Variants in CSF1R observed in about 807,000 individuals in gnomAD.
CSF1R encodes the protein colony stimulating factor 1 receptor.
In CSF1R, 40 loss-of-function variants were observed where a neutral mutation model predicts 110.0. The ratio of observed to expected loss-of-function variants is 0.36; its 90% CI spans 0.28 to 0.47. The LOEUF is 0.47. CSF1R is among the 20% of genes least tolerant of loss of function. The probability of loss-of-function intolerance (pLI) is 0.99; values close to 1 mark genes in which losing one functional copy is unlikely to be tolerated. For missense variants in CSF1R, 1,052 were observed against 1,253.0 expected (o/e 0.84, Z 2.42); for synonymous variants, 523 against 503.4 (o/e 1.04, Z -0.52).
chr5:150,073,897 G>A (rs532813027), intron 5 of CSF1R, among the ~76,000 whole-genome samples: 19 of 152,222 alleles, frequency 1.2e-4, no homozygotes, highest in East Asian at 9.6e-4. Context: ...TAGTCAATGC[G>A]GCTTCCAAAT....
At chr5:150,064,644 G>C (rs1455503036) in intron 10 of CSF1R, among the ~76,000 whole-genome samples, 1 of 152,202 alleles carries the variant, frequency 6.6e-6, no homozygotes, top group African/African-American at 2.4e-5. Context: ...CTGTGGCTAA[G>C]ACTGTTTTTT....
At chr5:150,075,937 G>T (rs1030398273) in intron 5 of CSF1R, among the ~76,000 whole-genome samples, 2 of 152,168 alleles carry the variant, frequency 1.3e-5, no homozygotes, top group African/African-American at 4.8e-5. Flanking sequence ...ATACTCTAGG[G>T]GCAGTGATGC....
At chr5:150,089,751 A>G (rs1758975713), upstream of CSF1R, among the ~76,000 whole-genome samples, 1 of 152,224 alleles carries the variant, frequency 6.6e-6, no homozygotes, top group Non-Finnish European at 1.5e-5. Context: ...ACAATCTTGG[A>G]GGAGTCACAC....
chr5:150,073,231 G>A lies in CSF1R; in HGVS notation c.1082+70C>T, dbSNP rs987393224. On this transcript the variant is annotated intron_variant, in intron 6 of 20. Transcript: ENST00000675795. ...ACCAAGGTTGGGACATGAGCCAAGC[G>A]TCCTGATGCTTGCTGAAGCATACCC... 46 of 1,493,406 alleles carry A rather than the reference G, an allele frequency of 3.1e-5. No homozygotes were observed. The Middle Eastern group carries it at 7.1e-4, about 23-fold the overall frequency. 92.5% of individuals were successfully genotyped at this position (1,493,406 alleles called of 1,614,324 possible). A position where few individuals can be genotyped will look rare whatever the true frequency, so the allele number is the denominator to read the frequency against.
At chr5:150,096,761 C>CT (rs1338984902) in intron 1 of CSF1R, among the ~76,000 whole-genome samples, 4 of 152,192 alleles carry the variant, frequency 2.6e-5, no homozygotes, top group African/African-American at 9.7e-5. Context: ...CAGAATAATG[C>CT]TTTGACAAAA....
chr5:150,077,134 T>C (rs777809328), intron 5 of CSF1R, 142 bp downstream of exon 5: 2 of 1,088,598 alleles, frequency 1.8e-6, no homozygotes, highest in Admixed American at 2.0e-5. Context: ...AGTGGCTCCT[T>C]AGCCAGGCCT....
At chr5:150,054,280 C>T (rs373648748) in intron 20 of CSF1R, 42 bp downstream of exon 20, 238 of 1,613,818 alleles carry the variant, frequency 1.5e-4, no homozygotes, top group Non-Finnish European at 1.9e-4. Flanking sequence ...CCCAGCCCAA[C>T]GTGCTTTACC....
intron 1 of CSF1R, among the ~76,000 whole-genome samples, chr5:150,096,172 G>A (rs1759216858): frequency 6.6e-6 from 1 of 152,084 alleles, no homozygotes; most frequent in South Asian, 2.1e-4. Context: ...GGCGGATCAT[G>A]TGAGGTCAGA....
At chr5:150,073,775 A>C (rs1422639288) in intron 5 of CSF1R, among the ~76,000 whole-genome samples, 1 of 152,194 alleles carries the variant, frequency 6.6e-6, no homozygotes, top group Non-Finnish European at 1.5e-5. Context: ...GATTGAATAT[A>C]TCTGTGATTT....
At chr5:150,108,347 T>C (rs7709258) in intron 1 of CSF1R, among the ~76,000 whole-genome samples, 90,133 of 151,964 alleles carry the variant, frequency 0.59, 27,133 homozygotes, top group Middle Eastern at 0.69. Context: ...GTGGTGACGG[T>C]AGCACCAAAA....
chr5:150,069,742 A>C, intron 9 of CSF1R, 131 bp downstream of exon 9: 6 of 777,448 alleles, frequency 7.7e-6, no homozygotes, highest in South Asian at 1.9e-5. Context: ...GGACCTTGGT[A>C]CTGCTAGGAT....
intron 1 of CSF1R, among the ~76,000 whole-genome samples, chr5:150,083,845 T>C (rs1019045973): frequency 1.3e-5 from 2 of 152,184 alleles, no homozygotes. Context: ...ACCGAGATAA[T>C]TGACTGTTCC....
In CSF1R at chr5:150,078,142, A is replaced by G; in HGVS notation, c.699T>C (p.Phe233=). 1 of 1,614,144 alleles carries G rather than the reference A, an allele frequency of 6.2e-7. No homozygotes were observed. The highest frequency in any genetic ancestry group is 8.5e-7 in the Non-Finnish European group (1 of 1,180,012). ...TGTTGTTGTGTTGGAGGAAGACATC[A>G]AAGTTAACATCAACGCTGCTGGCTG... ...VCSASSVDVN[F]DVFLQHNNTK... Residue 233 remains phenylalanine (F), a synonymous_variant, in exon 4 of 21, where the codon TTT becomes TTC. Coordinates refer to ENST00000675795, the MANE Select transcript of CSF1R (RefSeq NM_001288705.3).
intron 1 of CSF1R, among the ~76,000 whole-genome samples, chr5:150,111,834 T>G (rs961803715): frequency 6.6e-6 from 1 of 152,248 alleles, no homozygotes; most frequent in Non-Finnish European, 1.5e-5. Flanking sequence ...CAATTCATTA[T>G]GCCAATGGGA....
At chr5:150,096,476 A>C (rs1229074460) in intron 1 of CSF1R, among the ~76,000 whole-genome samples, 1 of 152,248 alleles carries the variant, frequency 6.6e-6, no homozygotes, top group Non-Finnish European at 1.5e-5. Flanking sequence ...TTTTTAATTC[A>C]TTGTATGATA....
intron 10 of CSF1R, among the ~76,000 whole-genome samples, chr5:150,067,825 C>T (rs1757840099): frequency 6.6e-6 from 1 of 152,214 alleles, no homozygotes; most frequent in Non-Finnish European, 1.5e-5. Context: ...CATAGCCTCT[C>T]ACTCTATAAT....
chr5:150,084,918 T>C (rs538907331), intron 1 of CSF1R, among the ~76,000 whole-genome samples: 5 of 152,280 alleles, frequency 3.3e-5, no homozygotes, highest in African/African-American at 9.6e-5. Flanking sequence ...ACACTGTGTG[T>C]GCATTTGTCA....
chr5:150,107,301 A>G (rs1759584916), intron 1 of CSF1R, among the ~76,000 whole-genome samples: 1 of 152,264 alleles, frequency 6.6e-6, no homozygotes. Context: ...AGCTGATAAT[A>G]TCTGACATCT....
intron 6 of CSF1R, among the ~76,000 whole-genome samples, chr5:150,071,701 C>T (rs111677709): frequency 7.9e-5 from 12 of 152,278 alleles, no homozygotes; most frequent in African/African-American, 1.2e-4. Context: ...TTTAGGGGAT[C>T]TCGTGTTCCT....
Sources: allele counts gnomAD v4.1 joint callset (sites outside exome capture counted in the v4.1 genomes callset), GRCh38; gene constraint gnomAD v4.1.1; transcripts MANE v1.5; gene names NCBI Gene and HGNC (gene_info 2026-07-23, HGNC 2026-07-21).